Variants in KCNJ6 observed in about 807,000 individuals in gnomAD.
KCNJ6 encodes the protein G protein-activated inward rectifier potassium channel 2.
A neutral mutation model predicts 34.2 loss-of-function variants in KCNJ6; 9 were observed. The observed-to-expected ratio is 0.26, with a 90% CI of 0.16 to 0.46. KCNJ6 has a LOEUF of 0.46. KCNJ6 is among the 20% of genes least tolerant of loss of function. KCNJ6 has a pLI of 1.00. For synonymous variants in KCNJ6, 196 were observed against 207.1 expected, an observed-to-expected ratio of 0.95 and a Z score of 0.46; for missense variants, 236 against 531.3, an observed-to-expected ratio of 0.44 and a Z score of 5.46.
chr21:37,708,212 G>A (rs754234491), intron 3 of KCNJ6, among the ~76,000 whole-genome samples: 3 of 152,206 alleles, frequency 2.0e-5, no homozygotes, highest in African/African-American at 4.8e-5. Flanking sequence ...TATGGGAAAT[G>A]TTTAGTGGAG....
intron 2 of KCNJ6, among the ~76,000 whole-genome samples, chr21:37,773,485 C>T (rs530490063): frequency 3.3e-5 from 5 of 152,236 alleles, no homozygotes; most frequent in South Asian, 4.2e-4. Context: ...TCGCTAACTA[C>T]GGATCTCCCT....
intron 2 of KCNJ6, among the ~76,000 whole-genome samples, chr21:37,761,266 TGTG>T (rs1471329228): frequency 6.1e-5 from 9 of 147,462 alleles, no homozygotes; most frequent in African/African-American, 8.0e-5. Context: ...ATATGTGTGT[TGTG>T]TGTGGTAGTG....
rs775566018 is a variant in KCNJ6, at chr21:37,620,059, C to G, written c.*5100G>C. The G allele has an allele frequency of 6.6e-6, 1 of 152,120 alleles. No homozygotes were observed. The highest frequency in any genetic ancestry group is 2.4e-5 in the African/African-American group (1 of 41,402). 9.4% of individuals were successfully genotyped at this position (152,120 alleles called of 1,614,324 possible). ...AAAAAAAGAGTTATGTTATTTTGAACAGACTTATGAGTGACTTCAATAATT... is the reference window on the plus strand; with the variant it reads ...AAAAAAAGAGTTATGTTATTTTGAAGAGACTTATGAGTGACTTCAATAATT... On this transcript the variant is annotated 3_prime_UTR_variant, in exon 4 of 4. Transcript: ENST00000609713.
intron 3 of KCNJ6, among the ~76,000 whole-genome samples, chr21:37,626,763 T>G (rs1016651604): frequency 1.3e-5 from 2 of 152,222 alleles, no homozygotes; most frequent in Admixed American, 6.5e-5. Flanking sequence ...CTATGGCCCA[T>G]GATACTTTTA....
intron 3 of KCNJ6, among the ~76,000 whole-genome samples, chr21:37,709,560 G>A (rs1006073605): frequency 6.6e-6 from 1 of 151,892 alleles, no homozygotes; most frequent in Non-Finnish European, 1.5e-5. Flanking sequence ...GTCTTTTCTG[G>A]GTGCATTTCT....
At chr21:37,911,744 C>T (rs1013543801) in intron 1 of KCNJ6, among the ~76,000 whole-genome samples, 5 of 152,144 alleles carry the variant, frequency 3.3e-5, no homozygotes, top group African/African-American at 1.2e-4. Context: ...AAGAGCTTCA[C>T]CTTATCTGCC....
At chr21:37,665,922 G>C (rs1290285286) in intron 3 of KCNJ6, among the ~76,000 whole-genome samples, 1 of 152,158 alleles carries the variant, frequency 6.6e-6, no homozygotes, top group East Asian at 1.9e-4. Flanking sequence ...GTGGAGCTGG[G>C]GGCAGAGAGT....
chr21:37,826,206 AG>A (rs145881268), intron 2 of KCNJ6, among the ~76,000 whole-genome samples: 37,954 of 152,118 alleles, frequency 0.25, 6,209 homozygotes, highest in East Asian at 0.49. Context: ...AATCCAGTAT[AG>A]AAATGTGCGA....
At chr21:37,769,705 C>G (rs904198027) in intron 2 of KCNJ6, among the ~76,000 whole-genome samples, 2 of 152,042 alleles carry the variant, frequency 1.3e-5, no homozygotes, top group Non-Finnish European at 2.9e-5. Context: ...TATGTCCTCT[C>G]AAAAACTTAG....
intron 1 of KCNJ6, among the ~76,000 whole-genome samples, chr21:37,896,186 A>C (rs1410332218): frequency 1.3e-5 from 2 of 152,226 alleles, no homozygotes; most frequent in African/African-American, 2.4e-5. Context: ...CGATCTCGTA[A>C]GAACTCACTC....
chr21:37,707,735 G>GTGTGTGTGTATGTGTGCATGTGTATTC (rs1267356647), intron 3 of KCNJ6, among the ~76,000 whole-genome samples: 4 of 149,680 alleles, frequency 2.7e-5, no homozygotes, highest in Admixed American at 1.3e-4. Context: ...GTGTGTGTGT[G>GTGTGTGTGTATGTGTGCATGTGTATTC]AATAATTTAC....
chr21:37,872,167 C>T (rs2055655601), intron 1 of KCNJ6, among the ~76,000 whole-genome samples: 1 of 152,162 alleles, frequency 6.6e-6, no homozygotes, highest in Non-Finnish European at 1.5e-5. Flanking sequence ...AGGCTGTCCT[C>T]AGGGAGCTTA....
intron 1 of KCNJ6, among the ~76,000 whole-genome samples, chr21:37,892,460 T>C (rs1448101098): frequency 6.6e-6 from 1 of 152,226 alleles, no homozygotes; most frequent in Non-Finnish European, 1.5e-5. Flanking sequence ...GCTATATTTC[T>C]TGTTTATTAG....
chr21:37,696,819 G>A (rs925112523), intron 3 of KCNJ6, among the ~76,000 whole-genome samples: 5 of 152,168 alleles, frequency 3.3e-5, no homozygotes, highest in Admixed American at 3.3e-4. Flanking sequence ...ATGTATACAT[G>A]CATTCACACA....
intron 1 of KCNJ6, among the ~76,000 whole-genome samples, chr21:37,842,835 A>T (rs2055487872): frequency 6.6e-6 from 1 of 152,314 alleles, no homozygotes; most frequent in East Asian, 1.9e-4. Context: ...GCAGGGACTC[A>T]GTGAAGTTGG....
chr21:37,769,412 T>TTTTTTA (rs1423182963), intron 2 of KCNJ6, among the ~76,000 whole-genome samples: 11 of 145,334 alleles, frequency 7.6e-5, no homozygotes, highest in African/African-American at 2.8e-4. Flanking sequence ...AGCCTTCAAT[T>TTTTTTA]TTATTATTAT....
At chr21:37,797,207 T>C (rs555361442) in intron 2 of KCNJ6, among the ~76,000 whole-genome samples, 3 of 152,218 alleles carry the variant, frequency 2.0e-5, no homozygotes, top group East Asian at 1.9e-4. Context: ...TGTGCCACCA[T>C]GCCTGTCTAG....
chr21:37,689,272 A>C (rs898609474), intron 3 of KCNJ6, among the ~76,000 whole-genome samples: 2 of 151,914 alleles, frequency 1.3e-5, no homozygotes, highest in African/African-American at 2.4e-5. Context: ...GTGAGATGAA[A>C]TTTTGACTAA....
intron 2 of KCNJ6, among the ~76,000 whole-genome samples, chr21:37,734,649 C>A (rs1342556477): frequency 6.6e-6 from 1 of 152,084 alleles, no homozygotes; most frequent in Non-Finnish European, 1.5e-5. Flanking sequence ...TCCACTGAAA[C>A]AAGTCCTACA....
Sources: allele counts gnomAD v4.1 joint callset (sites outside exome capture counted in the v4.1 genomes callset), GRCh38; gene constraint gnomAD v4.1.1; transcripts MANE v1.5; gene names NCBI Gene and HGNC (gene_info 2026-07-23, HGNC 2026-07-21).